Variants in REEP3 observed in about 807,000 individuals in gnomAD.
The protein encoded by REEP3 is receptor expression-enhancing protein 3.
Under a neutral mutation model 41.3 loss-of-function variants are expected in REEP3, and 20 were observed. That is an observed-to-expected ratio of 0.48 (90% CI 0.34 to 0.70). The LOEUF (loss-of-function observed/expected upper bound fraction) is 0.70, where lower values mean the gene tolerates loss of function less well. Among genes scored for constraint, REEP3 ranks in the 30% least tolerant of loss-of-function variants. REEP3 has a pLI of 0.01. For synonymous variants in REEP3, 104 were observed against 101.8 expected, an observed-to-expected ratio of 1.02 and a Z score of -0.13; for missense variants, 271 against 308.8, an observed-to-expected ratio of 0.88 and a Z score of 0.92.
intron 2 of REEP3, among the ~76,000 whole-genome samples, chr10:63,586,131 A>G (rs1480623478): frequency 6.6e-6 from 1 of 152,216 alleles, no homozygotes; most frequent in Non-Finnish European, 1.5e-5. Flanking sequence ...AATTTAGCCT[A>G]GGAGTATGTT....
intron 1 of REEP3, among the ~76,000 whole-genome samples, chr10:63,528,992 A>G (rs1055750579): frequency 2.6e-5 from 4 of 152,250 alleles, no homozygotes; most frequent in Non-Finnish European, 4.4e-5. Flanking sequence ...CTTTTCTCTA[A>G]TATGTTCATT....
chr10:63,554,006 G>A (rs1224875860), intron 1 of REEP3, among the ~76,000 whole-genome samples: 4 of 151,884 alleles, frequency 2.6e-5, no homozygotes, highest in African/African-American at 4.8e-5. Context: ...GGAGGCTGAG[G>A]CAGGAGAATG....
chr10:63,522,642 AAT>A (rs1955293421), intron 1 of REEP3, among the ~76,000 whole-genome samples: 1 of 152,168 alleles, frequency 6.6e-6, no homozygotes, highest in African/African-American at 2.4e-5. Flanking sequence ...ATTTAGGAAA[AAT>A]AACATTACCA....
intron 2 of REEP3, among the ~76,000 whole-genome samples, 151 bp downstream of exon 2, chr10:63,566,561 C>T (rs181674109): frequency 3.9e-5 from 6 of 152,158 alleles, no homozygotes; most frequent in African/African-American, 1.4e-4. Flanking sequence ...TTTTTAAAAT[C>T]TTTGAAGATA....
intron 6 of REEP3, among the ~76,000 whole-genome samples, chr10:63,611,238 G>A (rs527416101): frequency 6.6e-6 from 1 of 152,000 alleles, no homozygotes; most frequent in Non-Finnish European, 1.5e-5. Context: ...CTTTCTACTC[G>A]AACTGTGCAC....
chr10:63,540,594 G>A (rs1222872966), intron 1 of REEP3, among the ~76,000 whole-genome samples: 2 of 152,122 alleles, frequency 1.3e-5, no homozygotes. Flanking sequence ...AAAGACAGAT[G>A]CTTTTTAGAA....
At chr10:63,549,635 C>T (rs932115933) in intron 1 of REEP3, among the ~76,000 whole-genome samples, 8 of 152,178 alleles carry the variant, frequency 5.3e-5, no homozygotes, top group African/African-American at 1.7e-4. Flanking sequence ...CAAAAAGACT[C>T]GTACATGATA....
At chr10:63,588,444 T>TAA (rs35392636) in intron 2 of REEP3, among the ~76,000 whole-genome samples, 107 of 150,080 alleles carry the variant, frequency 7.1e-4, no homozygotes, top group African/African-American at 1.7e-3. Context: ...TCCTTCTCCT[T>TAA]AAAAAAAAAA....
At chr10:63,605,943 C>T (rs1211575256) in intron 5 of REEP3, among the ~76,000 whole-genome samples, 1 of 152,178 alleles carries the variant, frequency 6.6e-6, no homozygotes, top group Non-Finnish European at 1.5e-5. Context: ...CATTTGGGCC[C>T]ACCTAAATCC....
chr10:63,616,006 C>T (rs1040211328), intron 6 of REEP3, among the ~76,000 whole-genome samples: 116 of 152,264 alleles, frequency 7.6e-4, no homozygotes, highest in African/African-American at 2.3e-3. Context: ...TTTTCCAAAG[C>T]GCAAGAAGAA....
At chr10:63,596,349 C>T (rs1864390) in intron 3 of REEP3, among the ~76,000 whole-genome samples, 99,257 of 149,364 alleles carry the variant, frequency 0.66, 34,253 homozygotes, top group East Asian at 0.97. Flanking sequence ...TCCAAGTTCT[C>T]TTTTTAAGAC....
chr10:63,528,845 T>C (rs1955391472), intron 1 of REEP3, among the ~76,000 whole-genome samples: 1 of 152,214 alleles, frequency 6.6e-6, no homozygotes, highest in African/African-American at 2.4e-5. Context: ...CCTCGCTTCC[T>C]TCAGGTGTTC....
chr10:63,572,830 A>G (rs1051772933), intron 2 of REEP3, among the ~76,000 whole-genome samples: 2 of 152,210 alleles, frequency 1.3e-5, no homozygotes, highest in South Asian at 4.1e-4. Flanking sequence ...TAGGTACTCA[A>G]TATTTCTTGA....
chr10:63,556,273 G>T (rs1955678377), intron 1 of REEP3, among the ~76,000 whole-genome samples: 1 of 151,560 alleles, frequency 6.6e-6, no homozygotes, highest in Admixed American at 6.6e-5. Flanking sequence ...GGGCCACCAT[G>T]CCCGACTAAT....
intron 1 of REEP3, among the ~76,000 whole-genome samples, chr10:63,547,121 C>T (rs1313442972): frequency 6.6e-6 from 1 of 152,094 alleles, no homozygotes; most frequent in East Asian, 1.9e-4. Context: ...GGGGTTTCAC[C>T]ATGTTGGCCA....
At chr10:63,549,441 G>A (rs765636611) in intron 1 of REEP3, among the ~76,000 whole-genome samples, 8 of 152,146 alleles carry the variant, frequency 5.3e-5, no homozygotes, top group Admixed American at 1.3e-4. Context: ...GGTGGCCCTC[G>A]CCTGTCATCC....
At chr10:63,534,491 C>T (rs912507589) in intron 1 of REEP3, among the ~76,000 whole-genome samples, 3 of 152,212 alleles carry the variant, frequency 2.0e-5, no homozygotes, top group African/African-American at 7.2e-5. Context: ...CTCAAGTGAT[C>T]CTCCTTCCTT....
At chr10:63,607,340 A>G (rs950216723) in intron 5 of REEP3, among the ~76,000 whole-genome samples, 4 of 152,184 alleles carry the variant, frequency 2.6e-5, no homozygotes, top group Admixed American at 2.6e-4. Context: ...GAAGAGGTTG[A>G]TAATACTTGG....
chr10:63,600,676 A>T (rs187018768), intron 5 of REEP3, among the ~76,000 whole-genome samples: 1 of 152,312 alleles, frequency 6.6e-6, no homozygotes, highest in Admixed American at 6.5e-5. Context: ...AATAGATGCA[A>T]TTATCAAAGA....
Sources: gnomAD v4.1 joint callset for allele counts (sites outside exome capture counted in the v4.1 genomes callset) on GRCh38, gnomAD v4.1.1 for gene constraint, MANE v1.5 for transcripts, NCBI Gene and HGNC (gene_info 2026-07-23, HGNC 2026-07-21) for gene names.